SNPH: variants seen among roughly 807,000 people sequenced by gnomAD.
The protein encoded by SNPH is syntaphilin.
In SNPH, 10 loss-of-function variants were observed where a neutral mutation model predicts 36.8. That is an observed-to-expected ratio of 0.27 (90% CI 0.17 to 0.46). SNPH has a LOEUF of 0.46. Among genes scored for constraint, SNPH ranks in the 20% least tolerant of loss-of-function variants. The probability of loss-of-function intolerance (pLI) is 1.00; values close to 1 mark genes in which losing one functional copy is unlikely to be tolerated. For missense variants in SNPH, 622 were observed against 744.0 expected, an observed-to-expected ratio of 0.84 and a Z score of 1.91; for synonymous variants, 281 against 312.2, an observed-to-expected ratio of 0.90 and a Z score of 1.05.
chr20:1,273,144 G>A lies in SNPH; in HGVS notation c.-493+6384G>A, dbSNP rs188391973. Among the ~76,000 whole-genome samples the A allele has an allele frequency of 3.8e-4, 58 of 152,308 alleles. 1 individual carries two copies. The East Asian group carries it at 9.3e-3, about 24-fold the overall frequency. Reference sequence around the variant, plus strand: ...TGCCACCCTCTCCTTGGGTTGTGCTGTGGTCTGGACAGCAAGCAGTCTCTC... The same window carrying A: ...TGCCACCCTCTCCTTGGGTTGTGCTATGGTCTGGACAGCAAGCAGTCTCTC... On this transcript the variant is annotated intron_variant, in intron 2 of 6. Transcript: ENST00000381867.
In SNPH at chr20:1,307,894, G is replaced by A. The variant is rs527814018; in HGVS notation, c.*1840G>A. 4 of 152,678 alleles carry A rather than the reference G, an allele frequency of 2.6e-5. No homozygotes were observed. Among genetic ancestry groups the A allele is most frequent in the African/African-American group, 7.2e-5 (3 of 41,594 alleles). The allele number at this position is 152,678 out of a possible 1,614,324, so 9.5% of individuals were successfully genotyped here. On this transcript the variant is annotated 3_prime_UTR_variant, in exon 7 of 7. Transcript: ENST00000381867. ...CCGCAGGACACTGTGGCCATGCCAC[G>A]GAGGGGGCAGTGGACAAAACCAATC...
At chr20:1,281,067 TGAGG>T (rs2088212527) in intron 2 of SNPH, among the ~76,000 whole-genome samples, 3 of 152,284 alleles carry the variant, frequency 2.0e-5, no homozygotes, top group African/African-American at 7.2e-5. Flanking sequence ...GTTCTATTAT[TGAGG>T]GAGGAGGGAT....
In SNPH at chr20:1,309,295, A is replaced by G. The variant is rs1412696194; in HGVS notation, c.*3241A>G. 6.6e-6 allele frequency: 1 copy of G among 152,600 alleles called. No individual in the cohort carries two copies. Among genetic ancestry groups the G allele is most frequent in the Non-Finnish European group, 1.5e-5 (1 of 68,050 alleles). 9.5% of individuals were successfully genotyped at this position (152,600 alleles called of 1,614,324 possible). On this transcript the variant is annotated 3_prime_UTR_variant, in exon 7 of 7. Coordinates refer to ENST00000381867, the MANE Select transcript of SNPH (RefSeq NM_001318234.2). ...TCAGACAGAGTTGTACCTGCAGCAG[A>G]CAACTCTGAATTAAAGCATGAAAAC...
intron 2 of SNPH, among the ~76,000 whole-genome samples, chr20:1,288,874 G>A (rs778543680): frequency 6.6e-5 from 10 of 151,942 alleles, no homozygotes; most frequent in African/African-American, 1.5e-4. Flanking sequence ...CGCCCACCTC[G>A]GCCTCCCAAA....
At chr20:1,273,996 C>T (rs56211547) in intron 2 of SNPH, among the ~76,000 whole-genome samples, 9,240 of 152,122 alleles carry the variant, frequency 0.061, 383 homozygotes, top group South Asian at 0.1. Context: ...AAGAAGTGAT[C>T]GGTGAACAAA....
intron 2 of SNPH, among the ~76,000 whole-genome samples, chr20:1,277,879 G>A (rs2088162943): frequency 7.0e-6 from 1 of 143,690 alleles, no homozygotes; most frequent in Non-Finnish European, 1.5e-5. Context: ...GTGTCTGTCT[G>A]TGCCGATGTG....
In SNPH at chr20:1,308,473, T is replaced by C. The variant is rs2088611568; in HGVS notation, c.*2419T>C. On this transcript the variant is annotated 3_prime_UTR_variant, in exon 7 of 7. Coordinates refer to ENST00000381867, the MANE Select transcript of SNPH (RefSeq NM_001318234.2). ...GTGGCCGGTGGCCCTGGCCCAGCTC[T>C]GGAGTGCATGTGTGTGTGCTCAGAT... is the stretch of plus-strand genomic sequence containing the variant. 6.6e-6 allele frequency: 1 copy of C among 152,604 alleles called. No homozygotes were observed. 9.5% of individuals were successfully genotyped at this position (152,604 alleles called of 1,614,324 possible).
Position 1,297,364 on chromosome 20 carries a change from A to T in SNPH, c.290+112A>T. 6 of 911,774 alleles carry T rather than the reference A, an allele frequency of 6.6e-6. No individual in the cohort carries two copies. The South Asian group carries it at 1.0e-4, about 15-fold the overall frequency. The allele number at this position is 911,774 out of a possible 1,614,324, so 56.5% of individuals were successfully genotyped here. The stretch of plus-strand genomic sequence containing the variant: ...TTCTAACCACCCCTGACGCCAGCAT[A>T]GCCGCTGGCCGTGTGACCTTGAGCA... On this transcript the variant is annotated intron_variant, in intron 5 of 6. Transcript: ENST00000381867.
At chr20:1,281,095 G>A (rs1002718492) in intron 2 of SNPH, among the ~76,000 whole-genome samples, 2 of 152,156 alleles carry the variant, frequency 1.3e-5, no homozygotes, top group Non-Finnish European at 2.9e-5. Context: ...ATATTGAGTA[G>A]GCAGCGAAGC....
chr20:1,290,464 CT>C (rs2088346750), intron 2 of SNPH, among the ~76,000 whole-genome samples: 1 of 152,172 alleles, frequency 6.6e-6, no homozygotes, highest in African/African-American at 2.4e-5. Flanking sequence ...TATCTGGCTT[CT>C]TTCATTTAGC....
At chr20:1,301,183 C>G (rs1026845144) in intron 6 of SNPH, among the ~76,000 whole-genome samples, 6 of 152,192 alleles carry the variant, frequency 3.9e-5, no homozygotes, top group African/African-American at 1.4e-4. Context: ...GCCCCAGAAG[C>G]CATCTACTTC....
chr20:1,306,333 C>T lies in SNPH; in HGVS notation c.*279C>T, dbSNP rs1420626261. ...GAGGGAGCGAGGGCCAACCCGGCCCCTCTGTCCCCTTGGCTCTTCAGACAG... is the reference window on the plus strand; with the variant it reads ...GAGGGAGCGAGGGCCAACCCGGCCCTTCTGTCCCCTTGGCTCTTCAGACAG... On this transcript the variant is annotated 3_prime_UTR_variant, in exon 7 of 7. Coordinates refer to ENST00000381867, the MANE Select transcript of SNPH (RefSeq NM_001318234.2). 2.8e-6 allele frequency: 1 copy of T among 359,774 alleles called. No homozygotes were observed. The highest frequency in any genetic ancestry group is 4.7e-5 in the East Asian group (1 of 21,252). The allele number at this position is 359,774 out of a possible 1,614,324, so 22.3% of individuals were successfully genotyped here. A position where few individuals can be genotyped will look rare whatever the true frequency, so the allele number is the denominator to read the frequency against.
Position 1,304,864 on chromosome 20 carries a change from T to G in SNPH, c.441-14T>G. The G allele has an allele frequency of 6.2e-7, 1 of 1,608,180 alleles. No individual in the cohort carries two copies. Among genetic ancestry groups the G allele is most frequent in the Non-Finnish European group, 8.5e-7 (1 of 1,177,046 alleles). ...GGCAGGCAGTGAGCGTGTGTGTGTC[T>G]CCTCGGCTCGCAGGGACACAGAGAT... is the stretch of plus-strand genomic sequence containing the variant. On this transcript the variant is annotated splice_polypyrimidine_tract_variant and intron_variant, in intron 6 of 6. Coordinates refer to ENST00000381867, the MANE Select transcript of SNPH (RefSeq NM_001318234.2). The surrounding 1 kb of genome is among the most constrained non-coding windows in gnomAD (Gnocchi z 4.3).
chr20:1,305,115 C>T lies in SNPH; in HGVS notation c.678C>T (p.His226=), dbSNP rs747890865. Residue 226 remains histidine, a synonymous_variant, in exon 7 of 7, where the codon CAC becomes CAT. Transcript: ENST00000381867. The stretch of plus-strand genomic sequence containing the variant: ...ACAAGAAGCTGGAGACGCTGCTGCA[C>T]AGCATGGAGGTGGCCCAGAATGGCA... ...IQNKKLETLL[H]SMEVAQNGMA... is the part of the protein sequence containing the mutation. 6.2e-6 allele frequency: 10 copies of T among 1,613,920 alleles called. No individual in the cohort carries two copies. Among genetic ancestry groups the T allele is most frequent in the Non-Finnish European group, 8.5e-6 (10 of 1,180,038 alleles).
rs148411715 is a variant in SNPH at position 1,294,241 on chromosome 20, C to T, written c.-492-710C>T. On this transcript the variant is annotated intron_variant, in intron 2 of 6. Transcript: ENST00000381867. This position sits in a 1 kb window ranked among gnomAD's most constrained non-coding sequence, Gnocchi z 4.4. Reference sequence around the variant, plus strand: ...TGCTGCTTCAAGTAATGGGCCAAGGCAGACGAGAGCACTCAGCATGGCCAC... The same window carrying T: ...TGCTGCTTCAAGTAATGGGCCAAGGTAGACGAGAGCACTCAGCATGGCCAC... 0.011 allele frequency among the ~76,000 whole-genome samples: 1,693 copies of T among 152,302 alleles called. 10 individuals are homozygous for T. Among genetic ancestry groups the T allele is most frequent in the Middle Eastern group, 0.02 (6 of 294 alleles).
chr20:1,286,047 G>A (rs544327518), intron 2 of SNPH, among the ~76,000 whole-genome samples: 53 of 142,818 alleles, frequency 3.7e-4, no homozygotes, highest in Non-Finnish European at 6.0e-4. Flanking sequence ...CCGAGATTGC[G>A]CCACTGCACT....
In SNPH at chr20:1,297,601, T is replaced by C. The variant is rs1011574226; in HGVS notation, c.290+349T>C. Among the ~76,000 whole-genome samples the C allele has an allele frequency of 7.2e-5, 11 of 152,338 alleles. No individual in the cohort carries two copies. In the East Asian group the frequency reaches 1.9e-3, roughly 27 times the overall value. On this transcript the variant is annotated intron_variant, in intron 5 of 6. Coordinates refer to ENST00000381867, the MANE Select transcript of SNPH (RefSeq NM_001318234.2). ...TGGTGTACAGCTTTTGTCTTTGTCATCACAGGTGGCTTCTGTACCTCCAGG... is the reference window on the plus strand; with the variant it reads ...TGGTGTACAGCTTTTGTCTTTGTCACCACAGGTGGCTTCTGTACCTCCAGG...
intron 4 of SNPH, among the ~76,000 whole-genome samples, chr20:1,296,658 C>A (rs972656593): frequency 6.6e-6 from 1 of 152,226 alleles, no homozygotes; most frequent in Non-Finnish European, 1.5e-5. Flanking sequence ...CCAGCAGTAG[C>A]CTCATCAATA....
intron 2 of SNPH, among the ~76,000 whole-genome samples, chr20:1,271,031 C>A (rs1346600052): frequency 6.6e-6 from 1 of 152,160 alleles, no homozygotes. Flanking sequence ...GCCTGTGCAC[C>A]CCAGGCTGCT....
Sources: gnomAD v4.1 joint callset for allele counts (sites outside exome capture counted in the v4.1 genomes callset) on GRCh38, gnomAD v4.1.1 for gene constraint, Gnocchi (gnomAD v3.1) non-coding constraint, MANE v1.5 for transcripts, NCBI Gene and HGNC (gene_info 2026-07-23, HGNC 2026-07-21) for gene names.